Variants in SUPT3H observed in about 807,000 individuals in gnomAD.
SUPT3H encodes the protein SPT3 homolog, SAGA and STAGA complex component.
Under a neutral mutation model 44.3 loss-of-function variants are expected in SUPT3H, and 44 were observed. That is an observed-to-expected ratio of 0.99 (90% CI 0.78 to 1.28). SUPT3H has a LOEUF of 1.28. SUPT3H is among the 50% of genes most tolerant of loss of function. The pLI is 0.00. For missense variants in SUPT3H, 380 were observed against 387.1 expected, an observed-to-expected ratio of 0.98 and a Z score of 0.15; for synonymous variants, 124 against 125.6, an observed-to-expected ratio of 0.99 and a Z score of 0.09.
intron 9 of SUPT3H, among the ~76,000 whole-genome samples, chr6:44,945,086 T>C (rs1359461519): frequency 6.6e-6 from 1 of 152,158 alleles, no homozygotes; most frequent in African/African-American, 2.4e-5. Context: ...ATTTCAAATA[T>C]TTTCATTATT....
intron 2 of SUPT3H, among the ~76,000 whole-genome samples, chr6:45,211,531 A>G (rs1184092086): frequency 6.6e-6 from 1 of 152,136 alleles, no homozygotes; most frequent in Non-Finnish European, 1.5e-5. Flanking sequence ...GTATTTGTCC[A>G]ATAACATGGT....
intron 10 of SUPT3H, among the ~76,000 whole-genome samples, chr6:44,889,996 A>G (rs1763020546): frequency 6.6e-6 from 1 of 151,234 alleles, no homozygotes; most frequent in Non-Finnish European, 1.5e-5. Flanking sequence ...GCAGCCAAAA[A>G]CACATGAAAC....
At chr6:45,166,245 T>C (rs139637605) in intron 2 of SUPT3H, among the ~76,000 whole-genome samples, 16 of 152,178 alleles carry the variant, frequency 1.1e-4, no homozygotes, top group South Asian at 2.1e-4. Flanking sequence ...GTGAGCGTGA[T>C]TGCACTGCTG....
chr6:45,084,398 T>C (rs951046294), intron 3 of SUPT3H, among the ~76,000 whole-genome samples: 1 of 152,110 alleles, frequency 6.6e-6, no homozygotes, highest in Non-Finnish European at 1.5e-5. Flanking sequence ...AAAATTTCCA[T>C]ATCATTCGTC....
chr6:45,319,182 T>C (rs935911607), intron 2 of SUPT3H, among the ~76,000 whole-genome samples: 7 of 152,162 alleles, frequency 4.6e-5, no homozygotes, highest in South Asian at 2.1e-4. Flanking sequence ...TCTTTCTTAC[T>C]GCTTGCAATG....
intron 7 of SUPT3H, among the ~76,000 whole-genome samples, chr6:44,959,317 A>G (rs1244312386): frequency 1.3e-5 from 2 of 152,198 alleles, no homozygotes; most frequent in African/African-American, 2.4e-5. Context: ...AGAAAACCCA[A>G]TCAATCTAAT....
intron 3 of SUPT3H, among the ~76,000 whole-genome samples, chr6:45,082,509 G>A (rs1475659777): frequency 6.6e-6 from 1 of 151,886 alleles, no homozygotes; most frequent in African/African-American, 2.4e-5. Flanking sequence ...GTCAATAAAT[G>A]TAATTCATTA....
chr6:45,336,150 CATT>C (rs1391054601), intron 2 of SUPT3H, among the ~76,000 whole-genome samples: 1 of 151,156 alleles, frequency 6.6e-6, no homozygotes, highest in African/African-American at 2.4e-5. Flanking sequence ...AACACATATA[CATT>C]ATTTCTCTCT....
chr6:44,961,768 G>C lies in SUPT3H; in HGVS notation c.565C>G (p.Arg189Gly), dbSNP rs781512633. ...SAQYAEFCES[R>G]QLSFSKKASK... ...AGTTACTTACAGAAACTTAATTGTC[G>C]ACTTTCACAGAATTCTGCATATTGA... The change falls in exon 7 of 11, where the codon CGA becomes GGA. Residue 189 changes from arginine (R) to glycine (G), a missense_variant. Physicochemically the swap from Arg to Gly is moderately radical, Grantham distance 125. Transcript: ENST00000371459. 4 of 1,606,284 alleles carry C rather than the reference G, an allele frequency of 2.5e-6. No individual in the cohort carries two copies. The highest frequency in any genetic ancestry group is 4.5e-5 in the East Asian group (2 of 44,458).
intron 10 of SUPT3H, among the ~76,000 whole-genome samples, chr6:44,910,760 G>A (rs192600660): frequency 1.8e-3 from 275 of 151,102 alleles, no homozygotes; most frequent in African/African-American, 6.4e-3. Flanking sequence ...TTATGAGGCC[G>A]AGGAGGGTGG....
intron 11 of SUPT3H, among the ~76,000 whole-genome samples, chr6:44,818,585 G>T (rs1275576992): frequency 6.6e-6 from 1 of 152,132 alleles, no homozygotes; most frequent in African/African-American, 2.4e-5. Flanking sequence ...GTATCTAAAA[G>T]ACATAACACT....
intron 3 of SUPT3H, among the ~76,000 whole-genome samples, chr6:45,027,462 C>G (rs1786210801): frequency 6.6e-6 from 1 of 152,162 alleles, no homozygotes; most frequent in Non-Finnish European, 1.5e-5. Context: ...TCTGTGTCAT[C>G]TTGGAATCAG....
At chr6:44,901,804 A>G (rs1239259065) in intron 10 of SUPT3H, among the ~76,000 whole-genome samples, 2 of 152,238 alleles carry the variant, frequency 1.3e-5, no homozygotes, top group African/African-American at 4.8e-5. Context: ...AGGGAAGCCC[A>G]TCAGACTAAC....
chr6:45,213,735 C>T (rs1415022289), intron 2 of SUPT3H, among the ~76,000 whole-genome samples: 1 of 151,608 alleles, frequency 6.6e-6, no homozygotes, highest in Admixed American at 6.6e-5. Context: ...TTATTAAAAG[C>T]TAGAAAAAAA....
intron 1 of SUPT3H, among the ~76,000 whole-genome samples, chr6:45,371,518 T>C (rs1219251636): frequency 1.3e-5 from 2 of 152,028 alleles, no homozygotes; most frequent in Non-Finnish European, 2.9e-5. Context: ...AGATAGCAGA[T>C]AACCTGAAAT....
At chr6:44,817,160 C>G (rs902718371) in intron 11 of SUPT3H, among the ~76,000 whole-genome samples, 1 of 150,382 alleles carries the variant, frequency 6.6e-6, no homozygotes, top group African/African-American at 2.4e-5. Context: ...ACATCATGAC[C>G]GAATTGCATT....
intron 6 of SUPT3H, among the ~76,000 whole-genome samples, chr6:44,971,255 G>C (rs1777530253): frequency 6.6e-6 from 1 of 151,910 alleles, no homozygotes; most frequent in East Asian, 1.9e-4. Flanking sequence ...CACCTTCTAG[G>C]GTCACTGATA....
intron 6 of SUPT3H, among the ~76,000 whole-genome samples, chr6:44,970,040 G>C (rs1008880974): frequency 6.6e-6 from 1 of 152,074 alleles, no homozygotes; most frequent in African/African-American, 2.4e-5. Context: ...TGACATAATA[G>C]AGTTGTTTCA....
At chr6:44,937,314 A>G (rs566710479) in intron 9 of SUPT3H, among the ~76,000 whole-genome samples, 1 of 152,104 alleles carries the variant, frequency 6.6e-6, no homozygotes, top group African/African-American at 2.4e-5. Flanking sequence ...CAACATGGTG[A>G]AACCCCGTCT....
Sources: gnomAD v4.1 joint callset for allele counts (sites outside exome capture counted in the v4.1 genomes callset) on GRCh38, gnomAD v4.1.1 for gene constraint, MANE v1.5 for transcripts, NCBI Gene and HGNC (gene_info 2026-07-23, HGNC 2026-07-21) for gene names.